Variants in IL18RAP observed in about 807,000 individuals in gnomAD.
The protein encoded by IL18RAP is interleukin 18 receptor accessory protein, also known as interleukin-18 receptor accessory protein.
In IL18RAP, 37 loss-of-function variants were observed where a neutral mutation model predicts 58.1. The observed-to-expected ratio is 0.64, with a 90% CI of 0.49 to 0.84. The LOEUF (loss-of-function observed/expected upper bound fraction) is 0.84, where lower values mean the gene tolerates loss of function less well. Ranked by LOEUF, IL18RAP falls within the 40% of genes least tolerant of loss-of-function variation. The pLI, the probability that IL18RAP is intolerant of heterozygous loss-of-function variation, is 0.00. For missense variants in IL18RAP, 667 were observed against 704.8 expected, an observed-to-expected ratio of 0.95 and a Z score of 0.61; for synonymous variants, 268 against 257.5, an observed-to-expected ratio of 1.04 and a Z score of -0.39.
intron 7 of IL18RAP, 129 bp from the exon 8 acceptor site, chr2:102,446,941 A>G (rs1361463564): frequency 3.2e-6 from 3 of 952,118 alleles, no homozygotes; most frequent in Non-Finnish European, 4.7e-6. Flanking sequence ...AACTGCTGCT[A>G]GTGGCAATGA....
In IL18RAP at chr2:102,447,069, G is replaced by T; in HGVS notation, c.1073-1G>T. 1 of 1,613,756 alleles carries T rather than the reference G, an allele frequency of 6.2e-7. No individual in the cohort carries two copies. Among genetic ancestry groups the T allele is most frequent in the Non-Finnish European group, 8.5e-7 (1 of 1,179,910 alleles). ...TCTTCATACTGGCCCTGTCTCCACA[G>T]TGGTGCTCCTGTACATCCTGCTTGG... is the stretch of plus-strand genomic sequence containing the variant. On this transcript the variant is annotated splice_acceptor_variant, in intron 7 of 9. Transcript: ENST00000687160. LOFTEE classifies it high-confidence loss of function.
rs776828788 is a variant in IL18RAP, at chr2:102,423,230, G to T, written c.-48G>T. 12 of 1,555,804 alleles carry T rather than the reference G, an allele frequency of 7.7e-6. No homozygotes were observed. The highest frequency in any genetic ancestry group is 1.1e-5 in the Non-Finnish European group (12 of 1,126,998). ...TCTGAATCTCAAAACACTCTACTCT[G>T]GCAAAGGAATGAAGTTATTGGAGTG... On this transcript the variant is annotated 5_prime_UTR_variant, in exon 1 of 10. Transcript: ENST00000687160.
rs539124642 is a variant in IL18RAP at position 102,451,403 on chromosome 2, G to A, written c.1385-363G>A. 6.0e-4 allele frequency among the ~76,000 whole-genome samples: 92 copies of A among 152,286 alleles called. 1 individual carries two copies. The highest frequency in any genetic ancestry group is 1.7e-3 in the South Asian group (8 of 4,824). On this transcript the variant is annotated intron_variant, in intron 9 of 9. Coordinates refer to ENST00000687160, the MANE Select transcript of IL18RAP (RefSeq NM_001393487.1). ...AGCAGGCTTCTCAGGCCTGGGCCAC[G>A]CCCTGGACACCCTGAGAAGTCCAGA... is the stretch of plus-strand genomic sequence containing the variant.
chr2:102,427,237 A>G (rs945117495), intron 3 of IL18RAP, among the ~76,000 whole-genome samples: 2 of 152,156 alleles, frequency 1.3e-5, no homozygotes, highest in Non-Finnish European at 2.9e-5. Flanking sequence ...ACCCTTTGCC[A>G]TACTGATTTC....
chr2:102,420,187 T>C (rs1681483134), upstream of IL18RAP, among the ~76,000 whole-genome samples: 1 of 152,230 alleles, frequency 6.6e-6, no homozygotes, highest in Non-Finnish European at 1.5e-5. Flanking sequence ...CCTACAATGC[T>C]GGCAACAGCT....
At chr2:102,430,950 G>A (rs1481736105) in intron 3 of IL18RAP, among the ~76,000 whole-genome samples, 1 of 152,082 alleles carries the variant, frequency 6.6e-6, no homozygotes, top group African/African-American at 2.4e-5. Context: ...TCATAGTAAT[G>A]ATAAATTGCT....
Position 102,447,145 on chromosome 2 carries a change from G to A in IL18RAP, c.1148G>A (p.Arg383Lys). Reference sequence around the variant, plus strand: ...CTGGCGGCGAGTGCCCTCCTCTACAGGCACTGGATTGAAATAGTGCTGCTG... The same window carrying A: ...CTGGCGGCGAGTGCCCTCCTCTACAAGCACTGGATTGAAATAGTGCTGCTG... ...AVLAASALLY[R>K]HWIEIVLLYR... is the part of the protein sequence containing the mutation. Residue 383 changes from arginine to lysine, a missense_variant, in exon 8 of 10, where the codon AGG (arginine) becomes AAG (lysine). Coordinates refer to ENST00000687160, the MANE Select transcript of IL18RAP (RefSeq NM_001393487.1). The A allele has an allele frequency of 6.2e-7, 1 of 1,614,162 alleles. No individual in the cohort carries two copies. The highest frequency in any genetic ancestry group is 8.5e-7 in the Non-Finnish European group (1 of 1,180,020).
Position 102,451,927 on chromosome 2 carries a change from T to C in IL18RAP, c.1546T>C (p.Tyr516His), listed in dbSNP as rs1204502352. The C allele has an allele frequency of 2.5e-6, 4 of 1,614,080 alleles. No individual in the cohort carries two copies. The African/African-American group carries it at 5.3e-5, about 22-fold the overall frequency. Residue 516 changes from tyrosine to histidine, a missense_variant, in exon 10 of 10, where the codon TAC becomes CAC. Coordinates refer to ENST00000687160, the MANE Select transcript of IL18RAP (RefSeq NM_001393487.1). ...TLKLILIKFCYFQEPESLPHL... is the reference protein window; with the variant it reads ...TLKLILIKFCHFQEPESLPHL... ...GAAACTCATTTTAATTAAGTTCTGT[T>C]ACTTCCAAGAGCCAGAGTCTCTACC...
intron 6 of IL18RAP, 142 bp downstream of exon 6, chr2:102,443,465 C>A (rs1683228343): frequency 6.6e-5 from 55 of 836,612 alleles, no homozygotes; most frequent in East Asian, 2.9e-4. Flanking sequence ...ATGCAAAGTG[C>A]AAACGGCCGT....
At chr2:102,429,457 C>T (rs968629938) in intron 3 of IL18RAP, among the ~76,000 whole-genome samples, 7 of 151,738 alleles carry the variant, frequency 4.6e-5, no homozygotes, top group Non-Finnish European at 5.9e-5. Flanking sequence ...TGAGTGTTCT[C>T]TTTTTTCTTA....
At chr2:102,445,775 A>C (rs1219540921) in intron 7 of IL18RAP, among the ~76,000 whole-genome samples, 1 of 152,150 alleles carries the variant, frequency 6.6e-6, no homozygotes, top group Non-Finnish European at 1.5e-5. Context: ...AGAAGGAGTA[A>C]TCTTGTTCAT....
In IL18RAP at chr2:102,447,214, T is replaced by A; in HGVS notation, c.1210+7T>A. 6.2e-7 allele frequency: 1 copy of A among 1,612,290 alleles called. No homozygotes were observed. The highest frequency in any genetic ancestry group is 2.2e-5 in the East Asian group (1 of 44,806). On this transcript the variant is annotated splice_region_variant and intron_variant, in intron 8 of 9. Transcript: ENST00000687160. ...AAGGATCAGACGCTTGGGGGTAAGT[T>A]TACCTCCACATGCAGCCCTCTGACT...
intron 6 of IL18RAP, among the ~76,000 whole-genome samples, chr2:102,443,821 C>T (rs1311032053): frequency 6.6e-6 from 1 of 152,146 alleles, no homozygotes; most frequent in Non-Finnish European, 1.5e-5. Context: ...CAGAGGAGGG[C>T]TCTCTGTCTT....
intron 4 of IL18RAP, among the ~76,000 whole-genome samples, chr2:102,437,728 T>C (rs911309815): frequency 2.5e-4 from 38 of 152,242 alleles, no homozygotes; most frequent in African/African-American, 8.4e-4. Flanking sequence ...TTTTTTTCTT[T>C]AAAGTAACAA....
chr2:102,433,229 T>C (rs1054984151), intron 3 of IL18RAP, among the ~76,000 whole-genome samples: 1 of 152,134 alleles, frequency 6.6e-6, no homozygotes, highest in African/African-American at 2.4e-5. Context: ...AGGTTTTTGT[T>C]TGTTTGTTTT....
At chr2:102,437,055 A>G (rs972806425) in intron 3 of IL18RAP, among the ~76,000 whole-genome samples, 157 bp from the exon 4 acceptor site, 5 of 152,184 alleles carry the variant, frequency 3.3e-5, no homozygotes, top group South Asian at 2.1e-4. Flanking sequence ...CTACAAGTAC[A>G]GTTTTTGAAC....
At chr2:102,423,373 G>A in intron 1 of IL18RAP, 26 bp downstream of exon 1, 1 of 1,582,752 alleles carries the variant, frequency 6.3e-7, no homozygotes. Context: ...TTTCATGTTA[G>A]CACTGTGAGT....
At position 102,451,908 on chromosome 2, in the gene IL18RAP, C is replaced by T. The variant is rs1373028585; in HGVS notation, c.1527C>T (p.Leu509=). The stretch of plus-strand genomic sequence containing the variant: ...CCTTGGATGATCAAACACTGAAACT[C>T]ATTTTAATTAAGTTCTGTTACTTCC... The part of the protein sequence containing the change: ...NLALDDQTLK[L]ILIKFCYFQE... Residue 509 remains leucine, a synonymous_variant, in exon 10 of 10, where the codon CTC becomes CTT. Transcript: ENST00000687160. 3 of 1,614,090 alleles carry T rather than the reference C, an allele frequency of 1.9e-6. No homozygotes were observed. Among genetic ancestry groups the T allele is most frequent in the Non-Finnish European group, 2.5e-6 (3 of 1,180,038 alleles).
upstream of IL18RAP, among the ~76,000 whole-genome samples, chr2:102,421,806 G>T (rs1220299832): frequency 6.6e-6 from 1 of 152,154 alleles, no homozygotes; most frequent in African/African-American, 2.4e-5. Context: ...GGACAAAGTG[G>T]TCTGGGCAGA....
Sources: allele counts gnomAD v4.1 joint callset (sites outside exome capture counted in the v4.1 genomes callset), GRCh38; gene constraint gnomAD v4.1.1; transcripts MANE v1.5; gene names NCBI Gene and HGNC (gene_info 2026-07-23, HGNC 2026-07-21).